HACD2: variants seen among roughly 807,000 people sequenced by gnomAD.
The protein encoded by HACD2 is 3-hydroxyacyl-CoA dehydratase 2, also known as very-long-chain (3R)-3-hydroxyacyl-CoA dehydratase 2.
HACD2 carries 15 observed loss-of-function variants against 31.0 expected under a neutral mutation model. The ratio of observed to expected loss-of-function variants is 0.48; its 90% CI spans 0.32 to 0.75. HACD2 has a LOEUF of 0.75. Ranked by LOEUF, HACD2 falls within the 30% of genes least tolerant of loss-of-function variation. The probability of loss-of-function intolerance (pLI) is 0.03; values close to 1 mark genes in which losing one functional copy is unlikely to be tolerated. For missense variants in HACD2, 283 were observed against 313.0 expected, an observed-to-expected ratio of 0.90 and a Z score of 0.72; for synonymous variants, 115 against 122.2, an observed-to-expected ratio of 0.94 and a Z score of 0.39.
At chr3:123,542,874 C>A (rs977071215) in intron 3 of HACD2, among the ~76,000 whole-genome samples, 4 of 152,264 alleles carry the variant, frequency 2.6e-5, no homozygotes, top group Admixed American at 2.0e-4. Flanking sequence ...CAAGAATGGG[C>A]TAATATGAGC....
At chr3:123,506,660 C>A (rs930085067) in intron 4 of HACD2, among the ~76,000 whole-genome samples, 4 of 152,050 alleles carry the variant, frequency 2.6e-5, no homozygotes, top group African/African-American at 9.7e-5. Context: ...GTCTTGAACT[C>A]CTAGACTCAA....
Position 123,577,570 on chromosome 3 carries a change from G to A in HACD2, c.273+4642C>T, listed in dbSNP as rs568888672. On this transcript the variant is annotated intron_variant, in intron 2 of 6. Coordinates refer to ENST00000383657, the MANE Select transcript of HACD2 (RefSeq NM_198402.5). ...CGGGAGGCGGAGCTTGCAGTGAGCC[G>A]AGATCGCGCCACTGCACTCCAGCCT... Among the ~76,000 whole-genome samples, 9 of 148,806 alleles carry A rather than the reference G, an allele frequency of 6.0e-5. No homozygotes were observed. In the South Asian group the frequency reaches 1.3e-3, roughly 21 times the overall value.
intron 2 of HACD2, among the ~76,000 whole-genome samples, chr3:123,576,210 C>T (rs1375877703): frequency 1.3e-5 from 2 of 151,816 alleles, no homozygotes; most frequent in Non-Finnish European, 2.9e-5. Flanking sequence ...CACTGTGGCT[C>T]CTTCGTGCCC....
intron 4 of HACD2, among the ~76,000 whole-genome samples, chr3:123,521,102 A>T (rs1440702479): frequency 6.6e-6 from 1 of 152,190 alleles, no homozygotes; most frequent in Non-Finnish European, 1.5e-5. Flanking sequence ...ACCACCCGAC[A>T]GTATAGACAC....
intron 3 of HACD2, among the ~76,000 whole-genome samples, chr3:123,530,557 A>C (rs1380398122): frequency 6.6e-6 from 1 of 151,756 alleles, no homozygotes; most frequent in Non-Finnish European, 1.5e-5. Context: ...TACAGGCATA[A>C]GCCACCATGC....
intron 2 of HACD2, among the ~76,000 whole-genome samples, chr3:123,571,956 T>C (rs1327422976): frequency 1.3e-5 from 2 of 152,188 alleles, no homozygotes; most frequent in South Asian, 2.1e-4. Flanking sequence ...TGGGGAGATA[T>C]GCAGAAGCCA....
At chr3:123,552,645 CA>C (rs1257323429) in intron 3 of HACD2, among the ~76,000 whole-genome samples, 1 of 152,040 alleles carries the variant, frequency 6.6e-6, no homozygotes, top group Non-Finnish European at 1.5e-5. Context: ...AACTTTAACA[CA>C]ATAACCCAAA....
chr3:123,545,110 CCTT>C (rs1237328886), intron 3 of HACD2, among the ~76,000 whole-genome samples: 2 of 145,948 alleles, frequency 1.4e-5, no homozygotes, highest in Non-Finnish European at 3.0e-5. Context: ...GTGTTATTTA[CCTT>C]CTTCTTTAGT....
chr3:123,583,288 T>C (rs1292173872), intron 1 of HACD2, among the ~76,000 whole-genome samples: 1 of 152,212 alleles, frequency 6.6e-6, no homozygotes, highest in Non-Finnish European at 1.5e-5. Context: ...CCATTCTCTA[T>C]GTTCATTGCT....
chr3:123,543,630 C>A (rs1482566032), intron 3 of HACD2: 7 of 386,574 alleles, frequency 1.8e-5, no homozygotes, highest in Non-Finnish European at 3.5e-5. Context: ...TATAAAGGAT[C>A]ACATAACAAA....
intron 4 of HACD2, among the ~76,000 whole-genome samples, chr3:123,506,993 C>A (rs1413680557): frequency 6.6e-6 from 1 of 152,156 alleles, no homozygotes; most frequent in African/African-American, 2.4e-5. Context: ...CTGAGTGGCT[C>A]TTGCCTATAA....
intron 2 of HACD2, among the ~76,000 whole-genome samples, chr3:123,570,125 T>C (rs1305408967): frequency 1.3e-5 from 2 of 148,888 alleles, no homozygotes; most frequent in African/African-American, 4.9e-5. Flanking sequence ...GAGCAGTAGG[T>C]CTCAGTCCTC....
intron 3 of HACD2, among the ~76,000 whole-genome samples, chr3:123,565,483 A>G (rs2056780500): frequency 6.6e-6 from 1 of 152,202 alleles, no homozygotes; most frequent in Non-Finnish European, 1.5e-5. Flanking sequence ...ACAAGGACAC[A>G]GTAAGAAGCT....
chr3:123,569,532 T>C (rs1401983215), intron 2 of HACD2, among the ~76,000 whole-genome samples: 1 of 152,174 alleles, frequency 6.6e-6, no homozygotes, highest in Non-Finnish European at 1.5e-5. Flanking sequence ...TGGCTAATTT[T>C]TGTATTTTTT....
chr3:123,502,700 A>G lies in HACD2; in HGVS notation c.382-19T>C. The stretch of plus-strand genomic sequence containing the variant: ...TCTGTACCTGAAGGAAGAGGAAAAC[A>G]AAAGAAAAAAAACACACAGACAACG... On this transcript the variant is annotated intron_variant, in intron 4 of 6. Transcript: ENST00000383657. 1.3e-6 allele frequency: 2 copies of G among 1,579,994 alleles called. No individual in the cohort carries two copies. The highest frequency in any genetic ancestry group is 1.7e-6 in the Non-Finnish European group (2 of 1,162,020).
At chr3:123,509,742 G>GC (rs1559902140) in intron 4 of HACD2, among the ~76,000 whole-genome samples, 2 of 152,044 alleles carry the variant, frequency 1.3e-5, no homozygotes, top group East Asian at 3.9e-4. Flanking sequence ...CTCGTGATCC[G>GC]CCCGCCTCGG....
chr3:123,521,388 G>A (rs1443939489), intron 4 of HACD2, among the ~76,000 whole-genome samples: 1 of 152,096 alleles, frequency 6.6e-6, no homozygotes, highest in Admixed American at 6.5e-5. Flanking sequence ...GTAGGCTAGG[G>A]CAGGGACAGC....
chr3:123,543,695 C>A, intron 3 of HACD2: 1 of 417,828 alleles, frequency 2.4e-6, no homozygotes, highest in Non-Finnish European at 4.8e-6. Flanking sequence ...AAATGATAGC[C>A]ACTCGAATTA....
At chr3:123,579,638 T>G (rs1017297906) in intron 2 of HACD2, among the ~76,000 whole-genome samples, 2 of 152,086 alleles carry the variant, frequency 1.3e-5, no homozygotes, top group African/African-American at 4.8e-5. Flanking sequence ...CTTAAAGAGA[T>G]AGAAACCCCT....
Sources: gnomAD v4.1 joint callset for allele counts (sites outside exome capture counted in the v4.1 genomes callset) on GRCh38, gnomAD v4.1.1 for gene constraint, MANE v1.5 for transcripts, NCBI Gene and HGNC (gene_info 2026-07-23, HGNC 2026-07-21) for gene names.